DBN1: variants seen among roughly 807,000 people sequenced by gnomAD.
DBN1 encodes the protein drebrin.
In DBN1, 21 loss-of-function variants were observed where a neutral mutation model predicts 83.5. That is an observed-to-expected ratio of 0.25 (90% CI 0.18 to 0.36). The LOEUF is 0.36. Ranked by LOEUF, DBN1 falls within the 10% of genes least tolerant of loss-of-function variation. The pLI is 1.00. For missense variants in DBN1, 874 were observed against 935.7 expected, an observed-to-expected ratio of 0.93 and a Z score of 0.86; for synonymous variants, 381 against 384.9, an observed-to-expected ratio of 0.99 and a Z score of 0.12.
In DBN1 at chr5:177,456,673, CAAAAAAAAAAAAAAA is replaced by C. The variant is rs72166670; in HGVS notation, c.*745_*759del. 4.0e-4 allele frequency: 26 copies of C among 65,146 alleles called. No individual in the cohort carries two copies. Among genetic ancestry groups the C allele is most frequent in the African/African-American group, 1.4e-3 (17 of 12,568 alleles). 4.0% of individuals were successfully genotyped at this position (65,146 alleles called of 1,614,324 possible). On this transcript the variant is annotated 3_prime_UTR_variant, in exon 15 of 15. Coordinates refer to ENST00000393565, the MANE Select transcript of DBN1 (RefSeq NM_001363541.2). Reference sequence around the variant, plus strand: ...ACCCGTTACAGAAGTTTGTGCTTTCCAAAAAAAAAAAAAAAAAAAAAAAAAAAACAGTTACTAAAC... The same window carrying C: ...ACCCGTTACAGAAGTTTGTGCTTTCCAAAAAAAAAAAAACAGTTACTAAAC...
Position 177,467,009 on chromosome 5 carries a change from C to A in DBN1, c.609G>T (p.Arg203Ser). Residue 203 changes from arginine to serine, a missense_variant, in exon 7 of 15, where the codon AGG becomes AGT. Physicochemically the swap from Arg to Ser is moderately radical, Grantham distance 110. Around this residue, in one of 4 missense-constraint regions of DBN1, gnomAD observed 725 missense variants for 719.7 expected, o/e 1.01. Transcript: ENST00000393565. The surrounding 1 kb of genome is among the most constrained non-coding windows in gnomAD (Gnocchi z 9.1). ...EEERKKALDE[R>S]LRFEQERMEQ... ...CCATCCGCTCCTGCTCGAACCTGAG[C>A]CTCTCATCCAGGGCCTTCTTCCGCT... 1 of 1,613,784 alleles carries A rather than the reference C, an allele frequency of 6.2e-7. No individual in the cohort carries two copies. The highest frequency in any genetic ancestry group is 8.5e-7 in the Non-Finnish European group (1 of 1,179,936).
At chr5:177,464,239 A>C (rs1372215658) in intron 8 of DBN1, among the ~76,000 whole-genome samples, 3 of 151,682 alleles carry the variant, frequency 2.0e-5, no homozygotes, top group Non-Finnish European at 4.4e-5. Context: ...CGAGGTCAGG[A>C]GTTCGAGACC....
At chr5:177,461,460 T>C (rs942406057) in intron 8 of DBN1, among the ~76,000 whole-genome samples, 1 of 152,028 alleles carries the variant, frequency 6.6e-6, no homozygotes, top group East Asian at 1.9e-4. Flanking sequence ...GTTTCAGAGG[T>C]GGTACCTCTG....
rs1756811919 is a variant in DBN1 at position 177,459,162 on chromosome 5, C to T, written c.1200G>A (p.Arg400=). Residue 400 remains arginine, a synonymous_variant, in exon 12 of 15, where the codon CGG becomes CGA. Transcript: ENST00000393565. ...ASTPVAEQIE[R]ALDEVTSSQP... ...GCGAGGAGGTGACCTCATCCAGGGC[C>T]CGCTCTATCTGCTCAGCGACAGGGG... is the stretch of plus-strand genomic sequence containing the variant. The T allele has an allele frequency of 6.2e-7, 1 of 1,611,276 alleles. No individual in the cohort carries two copies. The highest frequency in any genetic ancestry group is 1.1e-5 in the South Asian group (1 of 90,914).
intron 1 of DBN1, chr5:177,472,005 AGCCG>A: frequency 8.1e-7 from 1 of 1,239,090 alleles, no homozygotes; most frequent in Non-Finnish European, 1.1e-6. Flanking sequence ...CACCAGGCCA[AGCCG>A]GCCACTTGCC....
intron 1 of DBN1, 31 bp from the exon 2 acceptor site, chr5:177,468,930 G>C (rs748115686): frequency 1.5e-6 from 2 of 1,305,868 alleles, no homozygotes; most frequent in South Asian, 3.2e-5. Context: ...CTGTCAAACT[G>C]TCAGGGCCCA....
Position 177,459,198 on chromosome 5 carries a change from G to C in DBN1, c.1164C>G (p.Ser388Arg). ...GCTCAGCGACAGGGGTGGAGGCGGT[G>C]CTGGAGTCAGACGGGCTCCGCGTGG... is the stretch of plus-strand genomic sequence containing the variant. ...PIPTRSPSDS[S>R]TASTPVAEQI... Residue 388 changes from serine (S) to arginine (R), a missense_variant, in exon 12 of 15, where the codon AGC (serine) becomes AGG (arginine). By Grantham distance (110) the Ser-to-Arg change is moderately radical. Transcript: ENST00000393565. The C allele has an allele frequency of 6.2e-7, 1 of 1,611,642 alleles. No homozygotes were observed. The highest frequency in any genetic ancestry group is 8.5e-7 in the Non-Finnish European group (1 of 1,179,160).
intron 1 of DBN1, among the ~76,000 whole-genome samples, chr5:177,469,119 G>A (rs1757671392): frequency 2.0e-5 from 3 of 152,166 alleles, no homozygotes; most frequent in Non-Finnish European, 4.4e-5. Flanking sequence ...AGTGAGGGGA[G>A]AAATTGCTGG....
chr5:177,468,956 G>A (rs1757660588), intron 1 of DBN1, 57 bp from the exon 2 acceptor site: 3 of 1,158,340 alleles, frequency 2.6e-6, no homozygotes, highest in Non-Finnish European at 3.4e-6. Flanking sequence ...CCAATTCTGG[G>A]TGGGGACGGC....
At chr5:177,461,101 T>C (rs1757005046) in intron 8 of DBN1, among the ~76,000 whole-genome samples, 1 of 135,648 alleles carries the variant, frequency 7.4e-6, no homozygotes, top group Non-Finnish European at 1.6e-5. Context: ...CTTCTTTTTT[T>C]TTTTTTTTTT....
In DBN1 at chr5:177,457,314, C is replaced by T. The variant is rs1378357862; in HGVS notation, c.*119G>A. The T allele has an allele frequency of 1.2e-6, 1 of 824,256 alleles. No individual in the cohort carries two copies. The highest frequency in any genetic ancestry group is 1.4e-5 in the South Asian group (1 of 69,352). 51.1% of individuals were successfully genotyped at this position (824,256 alleles called of 1,614,324 possible). A position where few individuals can be genotyped will look rare whatever the true frequency, so the allele number is the denominator to read the frequency against. On this transcript the variant is annotated 3_prime_UTR_variant, in exon 15 of 15. Coordinates refer to ENST00000393565, the MANE Select transcript of DBN1 (RefSeq NM_001363541.2). ...AAGCGGCCAAGTCCCCAGCCAGGGCCGGAATCCGGAGTGGGTGCCAGGCGG... is the reference window on the plus strand; with the variant it reads ...AAGCGGCCAAGTCCCCAGCCAGGGCTGGAATCCGGAGTGGGTGCCAGGCGG...
At position 177,457,640 on chromosome 5, in the gene DBN1, C is replaced by A; in HGVS notation, c.2017+15G>T. The A allele has an allele frequency of 1.3e-6, 2 of 1,573,404 alleles. No individual in the cohort carries two copies. The highest frequency in any genetic ancestry group is 1.7e-6 in the Non-Finnish European group (2 of 1,144,784). On this transcript the variant is annotated intron_variant, in intron 14 of 14. Transcript: ENST00000393565. ...CCGCACCCAAATTCCTCCCCATCAT[C>A]CAGCCCAGTACTACCTGGAGGCTTG...
chr5:177,467,769 C>T lies in DBN1; in HGVS notation c.304G>A (p.Val102Met), dbSNP rs1757555148. 1 of 1,555,320 alleles carries T rather than the reference C, an allele frequency of 6.4e-7. No homozygotes were observed. Among genetic ancestry groups the T allele is most frequent in the Non-Finnish European group, 8.7e-7 (1 of 1,149,356 alleles). The part of the protein sequence containing the change: ...DARKCACASH[V>M]AKVAEFFQGV... ...TGGAAGAACTCCGCCACCTTAGCCA[C>T]GTGGCTGGCACAAGCGCACTTGCGG... The change falls in exon 4 of 15, where the codon GTG becomes ATG. Residue 102 changes from valine (V) to methionine (M), a missense_variant. Physicochemically the swap from Val to Met is conservative, Grantham distance 21. Transcript: ENST00000393565. This position sits in a 1 kb window ranked among gnomAD's most constrained non-coding sequence, Gnocchi z 9.1.
intron 1 of DBN1, among the ~76,000 whole-genome samples, chr5:177,470,274 A>C (rs530658422): frequency 4.6e-5 from 7 of 152,306 alleles, no homozygotes; most frequent in Non-Finnish European, 1.0e-4. Context: ...CCACGGGAAC[A>C]AAGGGCCCTG....
At chr5:177,472,088 T>C (rs902625322) in intron 1 of DBN1, 3 of 1,591,854 alleles carry the variant, frequency 1.9e-6, no homozygotes, top group African/African-American at 2.7e-5. Flanking sequence ...GCCTGCCTGC[T>C]GAGCCTGTGC....
chr5:177,459,255 G>C lies in DBN1; in HGVS notation c.1107C>G (p.Asp369Glu). 6.2e-7 allele frequency: 1 copy of C among 1,607,722 alleles called. No individual in the cohort carries two copies. Among genetic ancestry groups the C allele is most frequent in the African/African-American group, 1.3e-5 (1 of 74,918 alleles). Reference protein sequence around the residue: ...LSSSLPCSHLDSHRRMAPTPI... With the variant: ...LSSSLPCSHLESHRRMAPTPI... ...GAGTGGGCGCCATCCTCCGGTGGCT[G>C]TCCAGGTGGCTGCCTGTGGAACAAA... Residue 369 changes from aspartate to glutamate, a missense_variant, in exon 12 of 15, where the codon GAC becomes GAG. Coordinates refer to ENST00000393565, the MANE Select transcript of DBN1 (RefSeq NM_001363541.2).
chr5:177,460,467 C>G lies in DBN1; in HGVS notation c.920G>C (p.Ser307Thr). 6.2e-7 allele frequency: 1 copy of G among 1,614,146 alleles called. No homozygotes were observed. Among genetic ancestry groups the G allele is most frequent in the Non-Finnish European group, 8.5e-7 (1 of 1,180,002 alleles). The part of the protein sequence containing the change: ...QERVASASAG[S>T]CDVPSPFNHR... ...GTTGAAGGGCGAGGGTACATCACAG[C>G]TGCCCGCAGAGGCCGATGCGACTCT... The change falls in exon 10 of 15, where the codon AGC (serine) becomes ACC (threonine). Residue 307 changes from serine to threonine, a missense_variant. By Grantham distance (58) the Ser-to-Thr change is moderately conservative. Coordinates refer to ENST00000393565, the MANE Select transcript of DBN1 (RefSeq NM_001363541.2).
chr5:177,461,381 AG>A (rs1757032872), intron 8 of DBN1, among the ~76,000 whole-genome samples: 1 of 151,324 alleles, frequency 6.6e-6, no homozygotes, highest in African/African-American at 2.4e-5. Flanking sequence ...TACAGGCGTG[AG>A]CCACCGCGCC....
Position 177,462,182 on chromosome 5 carries a change from C to T in DBN1, c.772-1479G>A, listed in dbSNP as rs953260235. ...CCACCCCTGCCTGACCTAGCCGTCA[C>T]CTCTCCAACACCACCCCCTGCCGGC... On this transcript the variant is annotated intron_variant, in intron 8 of 14. Transcript: ENST00000393565. 1.1e-4 allele frequency: 108 copies of T among 979,540 alleles called. 1 individual carries two copies. Among genetic ancestry groups the T allele is most frequent in the Non-Finnish European group, 1.2e-4 (103 of 825,020 alleles). The allele number at this position is 979,540 out of a possible 1,614,324, so 60.7% of individuals were successfully genotyped here. A position where few individuals can be genotyped will look rare whatever the true frequency, so the allele number is the denominator to read the frequency against.
Sources: gnomAD v4.1 joint callset for allele counts (sites outside exome capture counted in the v4.1 genomes callset) on GRCh38, gnomAD v4.1.1 for gene constraint, gnomAD v4.1.1 regional missense constraint, Gnocchi (gnomAD v3.1) non-coding constraint, MANE v1.5 for transcripts, NCBI Gene and HGNC (gene_info 2026-07-23, HGNC 2026-07-21) for gene names.